Variants in SAMD5 observed in about 807,000 individuals in gnomAD.
The protein encoded by SAMD5 is sterile alpha motif domain containing 5, also known as sterile alpha motif domain-containing protein 5.
In SAMD5, 13 loss-of-function variants were observed where a neutral mutation model predicts 11.3. The observed-to-expected ratio is 1.15, with a 90% CI of 0.75 to 1.83. The LOEUF (loss-of-function observed/expected upper bound fraction) is 1.83, where lower values mean the gene tolerates loss of function less well. Ranked by LOEUF, SAMD5 falls within the 40% of genes most tolerant of loss-of-function variation. The pLI is 0.00. For synonymous variants in SAMD5, 129 were observed against 111.3 expected (o/e 1.16, Z -1.00); for missense variants, 255 against 239.1 (o/e 1.07, Z -0.44).
Position 147,509,213 on chromosome 6 carries a change from G to A in SAMD5, c.285G>A (p.Arg95=), listed in dbSNP as rs1448619191. 1 of 1,338,974 alleles carries A rather than the reference G, an allele frequency of 7.5e-7. No homozygotes were observed. Among genetic ancestry groups the A allele is most frequent in the Non-Finnish European group, 9.6e-7 (1 of 1,043,268 alleles). 82.9% of individuals were successfully genotyped at this position (1,338,974 alleles called of 1,614,324 possible). A position where few individuals can be genotyped will look rare whatever the true frequency, so the allele number is the denominator to read the frequency against. The change falls in exon 1 of 2, where the codon CGG becomes CGA. Residue 95 remains arginine, a synonymous_variant. Coordinates refer to ENST00000367474, the MANE Select transcript of SAMD5 (RefSeq NM_001030060.3). ...PPADAVPTGR[R]GEPCGGPAQG... ...CCGACGCCGTCCCCACCGGCCGCCG[G>A]GGGGAGCCGTGCGGCGGCCCGGCCC...
At chr6:147,767,007 G>C in the SAMD5 span, among the ~76,000 whole-genome samples, 1 of 152,158 alleles carries the variant, frequency 6.6e-6, no homozygotes, top group African/African-American at 2.4e-5. Context: ...CATGAGAAAG[G>C]AAAGGTAATA....
chr6:147,602,937 G>A (rs11758871), intron 1 of SAMD5, among the ~76,000 whole-genome samples: 117 of 152,292 alleles, frequency 7.7e-4, no homozygotes, highest in Middle Eastern at 3.4e-3. Flanking sequence ...ACTCTGTCTG[G>A]AACTAATGGA....
intron 1 of SAMD5, among the ~76,000 whole-genome samples, chr6:147,541,379 AAC>A (rs1213708862): frequency 1.3e-5 from 2 of 152,180 alleles, no homozygotes; most frequent in Non-Finnish European, 2.9e-5. Context: ...ATTCCAGCAA[AAC>A]ACACATAACA....
chr6:147,768,783 A>G, the SAMD5 span, among the ~76,000 whole-genome samples: 2 of 151,946 alleles, frequency 1.3e-5, no homozygotes, highest in Non-Finnish European at 2.9e-5. Flanking sequence ...TTGTGGTGAG[A>G]ACATTTAAAA....
the SAMD5 span, among the ~76,000 whole-genome samples, chr6:147,761,349 C>T: frequency 8.6e-5 from 13 of 151,938 alleles, no homozygotes; most frequent in Non-Finnish European, 1.3e-4. Flanking sequence ...TATTCTGTTT[C>T]GTTGTGAAAT....
Position 147,566,334 on chromosome 6 carries a change from G to A in SAMD5, c.*1878G>A. ...CTAGGGTCTTTAAAATTCCTAAGTA[G>A]ATTCTTTTGAGTGGTAGGGGAGTCT... On this transcript the variant is annotated 3_prime_UTR_variant, in exon 2 of 2. Transcript: ENST00000367474. 1.0e-6 allele frequency: 1 copy of A among 979,216 alleles called. No individual in the cohort carries two copies. Among genetic ancestry groups the A allele is most frequent in the Non-Finnish European group, 1.2e-6 (1 of 824,662 alleles). 60.7% of individuals were successfully genotyped at this position (979,216 alleles called of 1,614,324 possible). A position where few individuals can be genotyped will look rare whatever the true frequency, so the allele number is the denominator to read the frequency against.
the SAMD5 span, among the ~76,000 whole-genome samples, chr6:147,909,616 C>CTTTTCTTTCTTTCT: frequency 5.7e-5 from 4 of 70,062 alleles, no homozygotes; most frequent in South Asian, 2.4e-3. Context: ...TTCTTTCTTT[C>CTTTTCTTTCTTTCT]TTTCTTTCTT....
intron 1 of SAMD5, among the ~76,000 whole-genome samples, chr6:147,512,571 C>A (rs1788106579): frequency 6.6e-6 from 1 of 152,018 alleles, no homozygotes; most frequent in Non-Finnish European, 1.5e-5. Context: ...CTTTTGTTTT[C>A]CAAAGGGAAC....
At chr6:147,850,750 T>C in the SAMD5 span, among the ~76,000 whole-genome samples, 2 of 152,038 alleles carry the variant, frequency 1.3e-5, no homozygotes, top group East Asian at 3.9e-4. Flanking sequence ...CTGCCCAAGA[T>C]AGGAATCCAG....
At chr6:147,916,000 T>G in the SAMD5 span, among the ~76,000 whole-genome samples, 4,497 of 148,106 alleles carry the variant, frequency 0.03, 108 homozygotes, top group Middle Eastern at 0.056. Flanking sequence ...GAACATGCGG[T>G]GTTTGGTTTT....
intron 1 of SAMD5, among the ~76,000 whole-genome samples, chr6:147,575,268 C>T (rs1424454376): frequency 1.3e-5 from 2 of 152,158 alleles, no homozygotes; most frequent in African/African-American, 2.4e-5. Flanking sequence ...TCAGAGAGCC[C>T]CTCTGTCATA....
At chr6:147,562,558 C>T (rs753755608) in intron 1 of SAMD5, among the ~76,000 whole-genome samples, 2 of 152,222 alleles carry the variant, frequency 1.3e-5, no homozygotes, top group Non-Finnish European at 2.9e-5. Flanking sequence ...TGTGGTGGCT[C>T]ACGCCTGTAA....
the SAMD5 span, among the ~76,000 whole-genome samples, chr6:147,873,117 G>A: frequency 5.9e-3 from 898 of 152,200 alleles, 11 homozygotes; most frequent in African/African-American, 0.02. Context: ...TGTGGCTCAC[G>A]CCTGTAATCC....
the SAMD5 span, among the ~76,000 whole-genome samples, chr6:147,906,634 C>T: frequency 5.4e-3 from 817 of 152,250 alleles, 16 homozygotes; most frequent in East Asian, 0.048. Flanking sequence ...TAGGATAATT[C>T]GTAAGTCATT....
chr6:147,931,504 T>C, the SAMD5 span, among the ~76,000 whole-genome samples: 1 of 152,218 alleles, frequency 6.6e-6, no homozygotes, highest in Non-Finnish European at 1.5e-5. Flanking sequence ...TAAGGGTAAT[T>C]GTCTAGTTAC....
rs183222897 is a variant in SAMD5, at chr6:147,729,546, A to G, written c.163-7771A>G. On this transcript the variant is annotated intron_variant, in intron 1 of 1. Transcript: ENST00000566741. The stretch of plus-strand genomic sequence containing the variant: ...ATCTCGAAATCTGGACAAGAAACAA[A>G]GAACAACAAAATATGATGTATTTTA... Among the ~76,000 whole-genome samples the G allele has an allele frequency of 2.8e-3, 428 of 151,894 alleles. 2 individuals are homozygous for G. Among genetic ancestry groups the G allele is most frequent in the Non-Finnish European group, 4.8e-3 (324 of 67,942 alleles).
chr6:147,664,433 C>G (rs1238646750), intron 1 of SAMD5, among the ~76,000 whole-genome samples: 1 of 152,062 alleles, frequency 6.6e-6, no homozygotes, highest in African/African-American at 2.4e-5. Flanking sequence ...GGGTACTTTG[C>G]AGAGAGATTT....
chr6:147,940,560 G>A, the SAMD5 span, among the ~76,000 whole-genome samples: 1 of 152,158 alleles, frequency 6.6e-6, no homozygotes, highest in Non-Finnish European at 1.5e-5. Flanking sequence ...GACCTGAAAA[G>A]TCTACTAGGA....
chr6:147,721,082 T>C (rs1320393572), intron 1 of SAMD5, among the ~76,000 whole-genome samples: 3 of 133,510 alleles, frequency 2.2e-5, no homozygotes, highest in Non-Finnish European at 4.7e-5. Flanking sequence ...CCACATTTTC[T>C]TAATCCAGTC....
Sources: gnomAD v4.1 joint callset for allele counts (sites outside exome capture counted in the v4.1 genomes callset) on GRCh38, gnomAD v4.1.1 for gene constraint, MANE v1.5 for transcripts, NCBI Gene and HGNC (gene_info 2026-07-23, HGNC 2026-07-21) for gene names.